BMPER: variants seen among roughly 807,000 people sequenced by gnomAD.
The protein encoded by BMPER is BMP-binding endothelial regulator protein.
In BMPER, 45 loss-of-function variants were observed where a neutral mutation model predicts 87.3. That is an observed-to-expected ratio of 0.52 (90% CI 0.41 to 0.66). BMPER has a LOEUF of 0.66. Among genes scored for constraint, BMPER ranks in the 30% least tolerant of loss-of-function variants. The pLI is 0.00. For missense variants in BMPER, 784 were observed against 867.5 expected, an observed-to-expected ratio of 0.90 and a Z score of 1.21; for synonymous variants, 326 against 316.2, an observed-to-expected ratio of 1.03 and a Z score of -0.33.
chr7:34,119,099 C>A (rs1053009273), intron 13 of BMPER, among the ~76,000 whole-genome samples: 1 of 151,542 alleles, frequency 6.6e-6, no homozygotes, highest in African/African-American at 2.4e-5. Context: ...GGAGAACACT[C>A]GGAAGAATTG....
intron 3 of BMPER, among the ~76,000 whole-genome samples, chr7:33,960,976 A>G (rs1369030502): frequency 5.9e-5 from 9 of 152,198 alleles, no homozygotes; most frequent in Admixed American, 5.9e-4. Context: ...CCTAGAGACT[A>G]TGATTTTAAG....
intron 13 of BMPER, among the ~76,000 whole-genome samples, chr7:34,103,430 G>C (rs1789735238): frequency 6.6e-6 from 1 of 152,138 alleles, no homozygotes; most frequent in African/African-American, 2.4e-5. Flanking sequence ...ATTCTACAGG[G>C]GGAGCGATAC....
chr7:34,056,435 A>C (rs1478123153), intron 9 of BMPER, among the ~76,000 whole-genome samples: 1 of 152,106 alleles, frequency 6.6e-6, no homozygotes, highest in East Asian at 1.9e-4. Context: ...ACAACTGAGG[A>C]CAAAAAAACA....
chr7:34,062,753 G>A (rs183478915), intron 11 of BMPER, among the ~76,000 whole-genome samples: 1 of 152,270 alleles, frequency 6.6e-6, no homozygotes, highest in East Asian at 1.9e-4. Flanking sequence ...GCGTGTCGCT[G>A]TACTGAATAC....
chr7:33,986,445 A>G (rs2127921484), intron 6 of BMPER, among the ~76,000 whole-genome samples: 1 of 152,364 alleles, frequency 6.6e-6, no homozygotes, highest in East Asian at 1.9e-4. Flanking sequence ...TGTTGATTTG[A>G]GTATCCATGT....
At chr7:34,068,168 T>C (rs1788641539) in intron 11 of BMPER, among the ~76,000 whole-genome samples, 3 of 152,244 alleles carry the variant, frequency 2.0e-5, no homozygotes, top group South Asian at 2.1e-4. Context: ...CACAGCCGTC[T>C]TGTGGTCAAA....
chr7:33,963,764 G>T (rs928513655), intron 3 of BMPER, among the ~76,000 whole-genome samples: 2 of 152,108 alleles, frequency 1.3e-5, no homozygotes, highest in Non-Finnish European at 2.9e-5. Context: ...TTGCACTCTA[G>T]CCTGGGAGAC....
At position 33,973,133 on chromosome 7, in the gene BMPER, G is replaced by A. The variant is rs141713399; in HGVS notation, c.494-1569G>A. Among the ~76,000 whole-genome samples the A allele has an allele frequency of 3.4e-3, 518 of 152,292 alleles. 4 individuals are homozygous for A. Among genetic ancestry groups the A allele is most frequent in the African/African-American group, 0.012 (480 of 41,538 alleles). ...TTGCTCAGGAATGGTGGGTTGTGAT[G>A]GAAACAGTTTGCATAGAATTTTCAT... On this transcript the variant is annotated intron_variant, in intron 5 of 14. Coordinates refer to ENST00000649409, the MANE Select transcript of BMPER (RefSeq NM_001365308.1).
At chr7:34,028,467 T>C (rs1183762713) in intron 6 of BMPER, among the ~76,000 whole-genome samples, 6 of 151,912 alleles carry the variant, frequency 3.9e-5, no homozygotes, top group African/African-American at 1.4e-4. Context: ...GTAGGTTCAA[T>C]AATTTTTAAG....
chr7:33,932,862 G>A (rs1562638050), intron 2 of BMPER, among the ~76,000 whole-genome samples: 2 of 152,130 alleles, frequency 1.3e-5, no homozygotes, highest in Non-Finnish European at 1.5e-5. Flanking sequence ...CATCTCAAAA[G>A]CATGTTTTTC....
In BMPER at chr7:33,933,441, G is replaced by GTT. The variant is rs3083764; in HGVS notation, c.220-3829_220-3828dup. Among the ~76,000 whole-genome samples the GTT allele has an allele frequency of 3.6e-3, 468 of 128,370 alleles. 2 individuals carry two copies. Among genetic ancestry groups the GTT allele is most frequent in the African/African-American group, 0.011 (397 of 34,794 alleles). 84.2% of individuals were successfully genotyped at this position (128,370 alleles called of 152,430 possible). A position where few individuals can be genotyped will look rare whatever the true frequency, so the allele number is the denominator to read the frequency against. The stretch of plus-strand genomic sequence containing the variant: ...TTTATTGCTCTTATTCATTGGTTAG[G>GTT]TTTTTTTTTTTTTTTTTTTTAGAGT... On this transcript the variant is annotated intron_variant, in intron 2 of 14. Coordinates refer to ENST00000649409, the MANE Select transcript of BMPER (RefSeq NM_001365308.1).
Position 33,974,720 on chromosome 7 carries a change from T to G in BMPER, c.512T>G (p.Val171Gly). ...TTTCCAGGCTGTGTGTTTGAGGGTGTGCAGTATCAAGAAGGGGAGGAATTT... is the reference window on the plus strand; with the variant it reads ...TTTCCAGGCTGTGTGTTTGAGGGTGGGCAGTATCAAGAAGGGGAGGAATTT... ...PTCPGCVFEG[V>G]QYQEGEEFQP... The change falls in exon 6 of 15, where the codon GTG becomes GGG. Residue 171 changes from valine to glycine, a missense_variant. Coordinates refer to ENST00000649409, the MANE Select transcript of BMPER (RefSeq NM_001365308.1). The G allele has an allele frequency of 6.2e-7, 1 of 1,614,062 alleles. No homozygotes were observed. Among genetic ancestry groups the G allele is most frequent in the East Asian group, 2.2e-5 (1 of 44,852 alleles).
chr7:33,971,653 C>A (rs1398127441), intron 5 of BMPER, among the ~76,000 whole-genome samples: 1 of 152,024 alleles, frequency 6.6e-6, no homozygotes, highest in Non-Finnish European at 1.5e-5. Flanking sequence ...CAGTAGTTGT[C>A]CAGGCTGCAC....
At chr7:33,971,488 C>A (rs6462519) in intron 5 of BMPER, among the ~76,000 whole-genome samples, 135,338 of 152,236 alleles carry the variant, frequency 0.89, 60,341 homozygotes, top group African/African-American at 0.95. Flanking sequence ...GAAAGCCAAA[C>A]ACTGGTTGAA....
At chr7:33,990,065 G>C (rs1228727801) in intron 6 of BMPER, among the ~76,000 whole-genome samples, 1 of 151,728 alleles carries the variant, frequency 6.6e-6, no homozygotes, top group Non-Finnish European at 1.5e-5. Context: ...CTCCAGCTTT[G>C]TTCTTTTGGC....
At chr7:34,086,193 C>T (rs1789205176) in intron 13 of BMPER, 101 bp downstream of exon 13, 1 of 1,362,060 alleles carries the variant, frequency 7.3e-7, no homozygotes, top group Non-Finnish European at 1.0e-6. Flanking sequence ...AGGACAAAGG[C>T]TCAAAACCCA....
At chr7:34,139,940 T>C (rs1338114351) in intron 13 of BMPER, among the ~76,000 whole-genome samples, 1 of 152,196 alleles carries the variant, frequency 6.6e-6, no homozygotes, top group African/African-American at 2.4e-5. Context: ...GCATTACTAT[T>C]TCCTTAGGTG....
rs544241012 is a variant in BMPER at position 34,155,338 on chromosome 7, G to A, written c.*2065G>A. On this transcript the variant is annotated 3_prime_UTR_variant, in exon 15 of 15. Transcript: ENST00000649409. ...CAGCATAAGGGAAATGATGGAGAAG[G>A]GAGAATTGTGGATGGTTATTTATAG... is the stretch of plus-strand genomic sequence containing the variant. 2.6e-5 allele frequency: 4 copies of A among 152,258 alleles called. No individual in the cohort carries two copies. In the South Asian group the frequency reaches 8.3e-4, roughly 32 times the overall value. 9.4% of individuals were successfully genotyped at this position (152,258 alleles called of 1,614,324 possible). A position where few individuals can be genotyped will look rare whatever the true frequency, so the allele number is the denominator to read the frequency against.
Position 33,940,209 on chromosome 7 carries a change from C to T in BMPER, c.319+2821C>T, listed in dbSNP as rs561679629. The stretch of plus-strand genomic sequence containing the variant: ...TGTTTACAGGGTTGATATTTTGCTA[C>T]CCATATTGCATTATTTATATTTTTT... On this transcript the variant is annotated intron_variant, in intron 3 of 14. Transcript: ENST00000649409. Among the ~76,000 whole-genome samples the T allele has an allele frequency of 2.6e-5, 4 of 152,242 alleles. No individual in the cohort carries two copies. In the East Asian group the frequency reaches 7.7e-4, roughly 29 times the overall value.
Sources: allele counts gnomAD v4.1 joint callset (sites outside exome capture counted in the v4.1 genomes callset), GRCh38; gene constraint gnomAD v4.1.1; transcripts MANE v1.5; gene names NCBI Gene and HGNC (gene_info 2026-07-23, HGNC 2026-07-21).